The following RAD51D variants were observed in gnomAD, a reference collection of about 807,000 sequenced individuals.
RAD51D encodes the protein DNA repair protein RAD51 homolog 4.
A neutral mutation model predicts 44.1 loss-of-function variants in RAD51D; 38 were observed. The ratio of observed to expected loss-of-function variants is 0.86; its 90% confidence interval spans 0.67 to 1.13. The LOEUF (loss-of-function observed/expected upper bound fraction) is 1.13, where lower values mean the gene tolerates loss of function less well. RAD51D is among the 50% of genes most tolerant of loss of function. The pLI is 0.00. For synonymous variants in RAD51D, 141 were observed against 166.6 expected (o/e 0.85, Z 1.18); for missense variants, 390 against 414.0 (o/e 0.94, Z 0.50).
chr17:35,101,500 C>T, intron 8 of RAD51D, 135 bp from the exon 9 acceptor site: 1 of 970,056 alleles, frequency 1.0e-6, no homozygotes, highest in South Asian at 1.3e-5. Context: ...AACCTAATGG[C>T]AGGTCTGGAA....
In RAD51D at chr17:35,101,237, G is replaced by A. The variant is rs2091532621; in HGVS notation, c.867C>T (p.Gly289=). The part of the protein sequence containing the change: ...DTIEGAGASG[G]RRMACLAKSS... ...ATTTGGCCAGACACGCCATGCGCCG[G>A]CCGCCTGATGCTCCTGCTCCCTCGA... Residue 289 remains glycine, a synonymous_variant, in exon 9 of 10, where the codon GGC becomes GGT. Transcript: ENST00000345365. 1 of 1,614,134 alleles carries A rather than the reference G, an allele frequency of 6.2e-7. No individual in the cohort carries two copies.
At chr17:35,106,178 C>T (rs1441446686) in intron 6 of RAD51D, 2 of 716,892 alleles carry the variant, frequency 2.8e-6, no homozygotes, top group Non-Finnish European at 5.2e-6. Flanking sequence ...ACTCAGGGGG[C>T]TTTACTGTTC....
rs200470533 is a variant in RAD51D at position 35,118,633 on chromosome 17, C to G, written c.145-14G>C. 3.1e-5 allele frequency: 50 copies of G among 1,604,538 alleles called. No homozygotes were observed. The East Asian group carries it at 1.1e-3, about 34-fold the overall frequency. ...GGCAACCAGGGCCTGCCAAAGGGCC[C>G]CAGACTGCTCAGCAACAAATTGCCC... is the stretch of plus-strand genomic sequence containing the variant. On this transcript the variant is annotated splice_polypyrimidine_tract_variant and intron_variant, in intron 2 of 9. Transcript: ENST00000345365.
chr17:35,103,323 G>C lies in RAD51D; in HGVS notation c.669C>G (p.Gly223=), dbSNP rs1567726315. ...GGGCCAGCTGCATCATCAAGGCCAAGCCTGCAGGAGGAGGAGAAGCAGAGA... is the reference window on the plus strand; with the variant it reads ...GGGCCAGCTGCATCATCAAGGCCAACCCTGCAGGAGGAGGAGAAGCAGAGA... ...SPLLGGQQRE[G]LALMMQLARE... is the part of the protein sequence containing the mutation. The change falls in exon 8 of 10, where the codon GGC becomes GGG. Residue 223 remains glycine (G), a splice_region_variant and synonymous_variant. Transcript: ENST00000345365. This position sits in a 1 kb window ranked among gnomAD's most constrained non-coding sequence, Gnocchi z 4.1. The C allele has an allele frequency of 1.9e-6, 3 of 1,612,342 alleles. No individual in the cohort carries two copies. In the East Asian group the frequency reaches 6.7e-5, roughly 36 times the overall value.
intron 4 of RAD51D, 106 bp downstream of exon 4, chr17:35,107,260 G>T: frequency 6.9e-7 from 1 of 1,455,330 alleles, no homozygotes; most frequent in Non-Finnish European, 9.6e-7. Flanking sequence ...TCTTCTCTCT[G>T]TTGGGCTCTG....
At chr17:35,113,615 T>C (rs182876093) in intron 3 of RAD51D, 244 of 423,360 alleles carry the variant, frequency 5.8e-4, no homozygotes, top group African/African-American at 4.6e-3. Flanking sequence ...TACCCACAGG[T>C]TCCTGCCAGT....
At chr17:35,107,616 A>G (rs2091623830) in intron 3 of RAD51D, among the ~76,000 whole-genome samples, 169 bp from the exon 4 acceptor site, 1 of 151,832 alleles carries the variant, frequency 6.6e-6, no homozygotes, top group African/African-American at 2.4e-5. Flanking sequence ...GGAATGCCCA[A>G]ATGTGCCTTC....
chr17:35,108,868 CTTTTTT>C (rs35092882), intron 3 of RAD51D, among the ~76,000 whole-genome samples: 1 of 122,644 alleles, frequency 8.2e-6, no homozygotes, highest in Non-Finnish European at 1.7e-5. Context: ...TTTTTCTTTT[CTTTTTT>C]TTTTTTTTTT....
intron 3 of RAD51D, among the ~76,000 whole-genome samples, chr17:35,111,583 T>A (rs1172150833): frequency 6.6e-6 from 1 of 151,796 alleles, no homozygotes; most frequent in African/African-American, 2.4e-5. Context: ...AAAAAATTAG[T>A]TGTGTATACT....
rs28363288 is a variant in RAD51D at position 35,101,600 on chromosome 17, C to T, written c.739-235G>A. Among the ~76,000 whole-genome samples the T allele has an allele frequency of 0.02, 3,044 of 152,224 alleles. 66 individuals are homozygous for T. Among genetic ancestry groups the T allele is most frequent in the Admixed American group, 0.064 (983 of 15,280 alleles). ...ACCCGAACCAGAAGGCGATGGGGCA[C>T]ATGTCACCATGCTTTCCAGGCTGGT... On this transcript the variant is annotated intron_variant, in intron 8 of 9. Transcript: ENST00000345365.
At chr17:35,108,422 G>A (rs1271606221) in intron 3 of RAD51D, among the ~76,000 whole-genome samples, 1 of 150,370 alleles carries the variant, frequency 6.7e-6, no homozygotes, top group African/African-American at 2.5e-5. Flanking sequence ...TTACTTGGGA[G>A]GCTAAGGTGG....
intron 3 of RAD51D, chr17:35,116,996 C>G (rs2142468588): frequency 6.2e-7 from 1 of 1,613,940 alleles, no homozygotes; most frequent in Non-Finnish European, 8.5e-7. Context: ...CCTGAGGCAG[C>G]TGCAGTCCTC....
chr17:35,106,301 A>C (rs2091601929), intron 6 of RAD51D, 85 bp downstream of exon 6: 1 of 1,155,320 alleles, frequency 8.7e-7, no homozygotes, highest in African/African-American at 1.5e-5. Flanking sequence ...CTGCATTTCC[A>C]AACAGTCTGT....
In RAD51D at chr17:35,093,485, T is replaced by C. The variant is rs1217018144; in HGVS notation, c.*7468A>G. 1 of 152,246 alleles carries C rather than the reference T, an allele frequency of 6.6e-6. No individual in the cohort carries two copies. Among genetic ancestry groups the C allele is most frequent in the Non-Finnish European group, 1.5e-5 (1 of 68,058 alleles). The allele number at this position is 152,246 out of a possible 1,614,324, so 9.4% of individuals were successfully genotyped here. ...TTCAAGGGCTACTCAAAAAGTCAAA[T>C]GTGCAGCAGCTGAAGTGCAGCCGTA... On this transcript the variant is annotated 3_prime_UTR_variant, in exon 10 of 10. Coordinates refer to ENST00000345365, the MANE Select transcript of RAD51D (RefSeq NM_002878.4).
rs891573125 is a variant in RAD51D at position 35,111,565 on chromosome 17, C to CA, written c.264-4119dup. 5.4e-3 allele frequency among the ~76,000 whole-genome samples: 758 copies of CA among 141,626 alleles called. 7 individuals are homozygous for CA. The highest frequency in any genetic ancestry group is 0.014 in the African/African-American group (554 of 38,678). 92.9% of individuals were successfully genotyped at this position (141,626 alleles called of 152,430 possible). The stretch of plus-strand genomic sequence containing the variant: ...TGGGTGACAGAGCAAGACTCTGTCT[C>CA]AAAAAAAAAAAAATTAGTTGTGTAT... On this transcript the variant is annotated intron_variant, in intron 3 of 9. Transcript: ENST00000345365.
chr17:35,118,037 C>T (rs2091770085), intron 3 of RAD51D, among the ~76,000 whole-genome samples: 1 of 152,172 alleles, frequency 6.6e-6, no homozygotes, highest in Non-Finnish European at 1.5e-5. Flanking sequence ...TTGCCATATC[C>T]TTAAGTAAAA....
At chr17:35,119,341 G>T in intron 1 of RAD51D, 169 bp from the exon 2 acceptor site, 1 of 893,356 alleles carries the variant, frequency 1.1e-6, no homozygotes, top group Non-Finnish European at 1.8e-6. Context: ...CCTGCACACA[G>T]TAGGAATCTC....
intron 3 of RAD51D, among the ~76,000 whole-genome samples, chr17:35,117,952 T>A (rs1444887978): frequency 6.6e-6 from 1 of 152,212 alleles, no homozygotes; most frequent in African/African-American, 2.4e-5. Context: ...CTCTAACTGG[T>A]AGAGTCACTG....
At chr17:35,116,851 T>C (rs1173249052) in intron 3 of RAD51D, 1 of 1,513,616 alleles carries the variant, frequency 6.6e-7, no homozygotes, top group Non-Finnish European at 9.0e-7. Context: ...ATAAATGAAA[T>C]AATGTACCGT....
Sources: allele counts gnomAD v4.1 joint callset (sites outside exome capture counted in the v4.1 genomes callset), GRCh38; gene constraint gnomAD v4.1.1; non-coding constraint Gnocchi (gnomAD v3.1); transcripts MANE v1.5; gene names NCBI Gene and HGNC (gene_info 2026-07-23, HGNC 2026-07-21).